Variants in INVS observed in about 807,000 individuals in gnomAD.
The protein encoded by INVS is inversin.
A neutral mutation model predicts 108.8 loss-of-function variants in INVS; 86 were observed. That is an observed-to-expected ratio of 0.79 (90% CI 0.66 to 0.95). INVS has a LOEUF of 0.95. Among genes scored for constraint, INVS ranks in the 40% least tolerant of loss-of-function variants. The pLI is 0.00. For missense variants in INVS, 1,169 were observed against 1,297.4 expected (o/e 0.90, Z 1.52); for synonymous variants, 455 against 473.5 (o/e 0.96, Z 0.51).
At chr9:100,234,722 C>G (rs1010064959) in intron 5 of INVS, among the ~76,000 whole-genome samples, 1 of 152,152 alleles carries the variant, frequency 6.6e-6, no homozygotes, top group South Asian at 2.1e-4. Context: ...GCACTGTGGT[C>G]TAAGAGACTG....
intron 3 of INVS, chr9:100,175,148 A>T: frequency 2.6e-6 from 1 of 378,418 alleles, no homozygotes; most frequent in Non-Finnish European, 5.0e-6. Context: ...CCAGCTCTTA[A>T]ATTTTTTCCT....
rs772337132 is a variant in INVS at position 100,240,107 on chromosome 9, T to G, written c.663T>G (p.Gly221=). ...ESLLNWQDYE[G]RTPLHFAVAD... ...TACTGAACTGGCAAGACTACGAGGG[T>G]CGAACTCCTCTTCACTTTGCAGTTG... The change falls in exon 6 of 17, where the codon GGT becomes GGG. Residue 221 remains glycine (G), a synonymous_variant. Transcript: ENST00000262457. The G allele has an allele frequency of 6.2e-7, 1 of 1,614,096 alleles. No homozygotes were observed. The highest frequency in any genetic ancestry group is 1.1e-5 in the South Asian group (1 of 91,068).
intron 3 of INVS, among the ~76,000 whole-genome samples, chr9:100,131,414 C>G (rs530642261): frequency 1.3e-5 from 2 of 152,280 alleles, no homozygotes; most frequent in South Asian, 4.1e-4. Context: ...AAACAAATTA[C>G]TGTTAGTCCA....
At chr9:100,246,133 A>G (rs1226790509) in intron 7 of INVS, among the ~76,000 whole-genome samples, 2 of 151,716 alleles carry the variant, frequency 1.3e-5, no homozygotes, top group African/African-American at 4.9e-5. Context: ...AACCTGGGCA[A>G]CAGAGTAAGA....
At chr9:100,251,279 C>T (rs1228788657) in intron 8 of INVS, among the ~76,000 whole-genome samples, 1 of 152,194 alleles carries the variant, frequency 6.6e-6, no homozygotes, top group Non-Finnish European at 1.5e-5. Context: ...CAAAAATCTG[C>T]ATCCAGGTTT....
chr9:100,301,262 T>C lies in INVS; in HGVS notation c.*588T>C, dbSNP rs1403719530. On this transcript the variant is annotated 3_prime_UTR_variant, in exon 17 of 17. Coordinates refer to ENST00000262457, the MANE Select transcript of INVS (RefSeq NM_014425.5). Reference sequence around the variant, plus strand: ...TTGCCCACTGTTTTCATTTAGAAATTGTCCAAAAGACCATAGATACATTCT... The same window carrying C: ...TTGCCCACTGTTTTCATTTAGAAATCGTCCAAAAGACCATAGATACATTCT... 2.6e-5 allele frequency among the ~76,000 whole-genome samples: 4 copies of C among 152,094 alleles called. No individual in the cohort carries two copies. Among genetic ancestry groups the C allele is most frequent in the South Asian group, 4.1e-4 (2 of 4,828 alleles).
At chr9:100,132,917 C>A (rs1320285420) in intron 3 of INVS, among the ~76,000 whole-genome samples, 1 of 152,092 alleles carries the variant, frequency 6.6e-6, no homozygotes, top group African/African-American at 2.4e-5. Context: ...CCAGCCTGGC[C>A]AACATGGTGA....
intron 10 of INVS, among the ~76,000 whole-genome samples, chr9:100,255,795 G>A (rs1197799951): frequency 6.6e-6 from 1 of 152,176 alleles, no homozygotes; most frequent in Non-Finnish European, 1.5e-5. Context: ...GCTTTTTGAT[G>A]TGCTGCTGGA....
intron 3 of INVS, among the ~76,000 whole-genome samples, chr9:100,154,519 T>C (rs968123000): frequency 6.6e-6 from 1 of 151,728 alleles, no homozygotes; most frequent in African/African-American, 2.4e-5. Flanking sequence ...AAAGAGTATA[T>C]TCACACAATG....
chr9:100,143,439 T>C (rs1828495380), intron 3 of INVS, among the ~76,000 whole-genome samples: 1 of 151,992 alleles, frequency 6.6e-6, no homozygotes, highest in Admixed American at 6.6e-5. Context: ...GGATGGGATA[T>C]TGACATTGAG....
At chr9:100,201,189 A>T (rs1177707558) in intron 3 of INVS, among the ~76,000 whole-genome samples, 4 of 152,260 alleles carry the variant, frequency 2.6e-5, no homozygotes. Flanking sequence ...GTATGGAGGC[A>T]GGTCCACGTA....
intron 3 of INVS, among the ~76,000 whole-genome samples, chr9:100,165,910 A>C (rs1829350396): frequency 6.6e-6 from 1 of 152,198 alleles, no homozygotes; most frequent in Admixed American, 6.5e-5. Context: ...AAGTATTTGG[A>C]GAACACAATC....
intron 3 of INVS, among the ~76,000 whole-genome samples, chr9:100,147,496 G>C (rs1255787044): frequency 6.6e-6 from 1 of 152,136 alleles, no homozygotes; most frequent in African/African-American, 2.4e-5. Flanking sequence ...TCATTGTGTT[G>C]GTGAGGCTGT....
At chr9:100,298,131 T>A in intron 16 of INVS, 121 bp downstream of exon 16, 1 of 1,565,614 alleles carries the variant, frequency 6.4e-7, no homozygotes, top group East Asian at 2.3e-5. Flanking sequence ...AATGGTCATT[T>A]GATTTCATGG....
At chr9:100,287,404 A>G (rs1029778833) in intron 13 of INVS, among the ~76,000 whole-genome samples, 1 of 152,200 alleles carries the variant, frequency 6.6e-6, no homozygotes, top group African/African-American at 2.4e-5. Flanking sequence ...CTTTGTGCAT[A>G]CTAAGATGGG....
intron 2 of INVS, among the ~76,000 whole-genome samples, chr9:100,123,224 A>G (rs2118884527): frequency 6.6e-6 from 1 of 152,334 alleles, no homozygotes; most frequent in South Asian, 2.1e-4. Flanking sequence ...TATCCCACAG[A>G]GAAACCCTTC....
At chr9:100,139,809 T>G (rs1429640422) in intron 3 of INVS, among the ~76,000 whole-genome samples, 1 of 152,114 alleles carries the variant, frequency 6.6e-6, no homozygotes, top group Non-Finnish European at 1.5e-5. Flanking sequence ...GCCCAGCTAA[T>G]TTTTGTATTT....
chr9:100,238,255 TCTATTTTTCTCAG>T (rs1235941614), intron 5 of INVS, among the ~76,000 whole-genome samples: 1 of 152,192 alleles, frequency 6.6e-6, no homozygotes, highest in Admixed American at 6.5e-5. Flanking sequence ...GTCCTAGGAA[TCTATTTTTCTCAG>T]CTCTTTCAGC....
At chr9:100,216,901 G>A (rs528046267) in intron 3 of INVS, among the ~76,000 whole-genome samples, 2 of 152,092 alleles carry the variant, frequency 1.3e-5, no homozygotes, top group South Asian at 4.2e-4. Context: ...GGGGTCACTC[G>A]CCCCTTAACC....
Sources: gnomAD v4.1 joint callset for allele counts (sites outside exome capture counted in the v4.1 genomes callset) on GRCh38, gnomAD v4.1.1 for gene constraint, MANE v1.5 for transcripts, NCBI Gene and HGNC (gene_info 2026-07-23, HGNC 2026-07-21) for gene names.